SLC35H1: variants seen among roughly 807,000 people sequenced by gnomAD.
The protein encoded by SLC35H1 is ovarian cancer-overexpressed gene 1 protein.
chr20:46,360,361 C>A, the SLC35H1 span, among the ~76,000 whole-genome samples: 1 of 152,100 alleles, frequency 6.6e-6, no homozygotes, highest in Admixed American at 6.5e-5. Context: ...TTTCGAGGTG[C>A]GACACAACAC....
the SLC35H1 span, among the ~76,000 whole-genome samples, chr20:46,354,698 C>A: frequency 6.6e-6 from 1 of 152,186 alleles, no homozygotes; most frequent in Non-Finnish European, 1.5e-5. Context: ...TGTTACTGTT[C>A]CCTGAATTTT....
the SLC35H1 span, among the ~76,000 whole-genome samples, chr20:46,363,335 A>G: frequency 6.6e-6 from 1 of 152,216 alleles, no homozygotes; most frequent in Non-Finnish European, 1.5e-5. Context: ...TAAATTCTTT[A>G]CATCAGCCCT....
chr20:46,350,766 G>C, the SLC35H1 span: 1 of 1,614,078 alleles, frequency 6.2e-7, no homozygotes, highest in Non-Finnish European at 8.5e-7. Context: ...GTTACCTCTG[G>C]AATGCAGGGC....
the SLC35H1 span, among the ~76,000 whole-genome samples, chr20:46,361,708 G>A: frequency 6.6e-6 from 1 of 152,156 alleles, no homozygotes; most frequent in Non-Finnish European, 1.5e-5. Context: ...CCCAAGAAAT[G>A]TCTCTAGACA....
the SLC35H1 span, chr20:46,347,394 G>C: frequency 6.6e-6 from 1 of 152,266 alleles, no homozygotes; most frequent in Non-Finnish European, 1.5e-5. Context: ...GGTCTTTTCT[G>C]TTCTTTCTTC....
At chr20:46,357,582 C>A in the SLC35H1 span, 1 of 1,595,470 alleles carries the variant, frequency 6.3e-7, no homozygotes, top group East Asian at 2.2e-5. Context: ...GGTTCCCCAG[C>A]CCCTCTTCCT....
the SLC35H1 span, chr20:46,358,585 G>C: frequency 6.2e-7 from 1 of 1,606,070 alleles, no homozygotes; most frequent in Non-Finnish European, 8.5e-7. Flanking sequence ...AGGAAGAGCC[G>C]GTGGAGTTAG....
the SLC35H1 span, among the ~76,000 whole-genome samples, chr20:46,363,616 C>T: frequency 7.2e-5 from 11 of 152,364 alleles, no homozygotes; most frequent in Admixed American, 5.9e-4. Flanking sequence ...CTTGACCCCT[C>T]TACTTCTCTT....
chr20:46,352,546 C>T, the SLC35H1 span: 1 of 266,250 alleles, frequency 3.8e-6, no homozygotes, highest in Non-Finnish European at 7.2e-6. Flanking sequence ...ATGATGGGAT[C>T]CTAGCGGGAT....
the SLC35H1 span, chr20:46,356,755 G>A: frequency 3.4e-6 from 3 of 884,492 alleles, no homozygotes; most frequent in Non-Finnish European, 5.4e-6. Flanking sequence ...TGCCTCCTGT[G>A]GGGCCCTTGG....
the SLC35H1 span, among the ~76,000 whole-genome samples, chr20:46,359,165 C>T: frequency 3.9e-5 from 6 of 152,228 alleles, no homozygotes; most frequent in East Asian, 9.6e-4. Flanking sequence ...GCTTTCTTCC[C>T]GTTGTCTGAA....
chr20:46,358,513 C>A, the SLC35H1 span: 4 of 1,614,204 alleles, frequency 2.5e-6, no homozygotes, highest in East Asian at 2.2e-5. Flanking sequence ...CCATTCGTGG[C>A]GGCTGCAGCA....
At chr20:46,347,839 G>C in the SLC35H1 span, 1 of 152,282 alleles carries the variant, frequency 6.6e-6, no homozygotes, top group East Asian at 1.9e-4. Context: ...AACTGTGGAC[G>C]TCCTCACATA....
At chr20:46,358,854 C>A in the SLC35H1 span, 1 of 846,080 alleles carries the variant, frequency 1.2e-6, no homozygotes, top group Non-Finnish European at 1.9e-6. Context: ...TGACTCAGGG[C>A]TCTGGAGGGG....
chr20:46,351,807 G>A, the SLC35H1 span, among the ~76,000 whole-genome samples: 13 of 152,216 alleles, frequency 8.5e-5, no homozygotes, highest in Non-Finnish European at 1.8e-4. Flanking sequence ...CCTTGGGGAG[G>A]GGCGGCTCTC....
At chr20:46,350,767 A>G in the SLC35H1 span, 4 of 1,614,084 alleles carry the variant, frequency 2.5e-6, no homozygotes, top group South Asian at 4.4e-5. Flanking sequence ...TTACCTCTGG[A>G]ATGCAGGGCT....
At chr20:46,359,130 G>A in the SLC35H1 span, among the ~76,000 whole-genome samples, 21 of 152,334 alleles carry the variant, frequency 1.4e-4, no homozygotes, top group Admixed American at 5.2e-4. Context: ...CCCACTGGGC[G>A]CCTTTCAGCT....
At chr20:46,360,371 C>T in the SLC35H1 span, among the ~76,000 whole-genome samples, 11 of 152,162 alleles carry the variant, frequency 7.2e-5, no homozygotes, top group Non-Finnish European at 1.2e-4. Flanking sequence ...CGACACAACA[C>T]GGCTGTGTCA....
At chr20:46,354,949 G>C in the SLC35H1 span, 1 of 1,613,942 alleles carries the variant, frequency 6.2e-7, no homozygotes, top group East Asian at 2.2e-5. Context: ...ACATGGTGTC[G>C]ATGGGATTCT....
Sources: allele counts gnomAD v4.1 joint callset (sites outside exome capture counted in the v4.1 genomes callset), GRCh38; gene constraint gnomAD v4.1.1; transcripts MANE v1.5; gene names NCBI Gene and HGNC (gene_info 2026-07-23, HGNC 2026-07-21).